LZTS1: variants seen among roughly 807,000 people sequenced by gnomAD.
The protein encoded by LZTS1 is leucine zipper putative tumor suppressor 1.
A neutral mutation model predicts 45.8 loss-of-function variants in LZTS1; 31 were observed. The observed-to-expected ratio is 0.68, with a 90% CI of 0.51 to 0.91. The LOEUF is 0.91. Among genes scored for constraint, LZTS1 ranks in the 40% least tolerant of loss-of-function variants. The pLI is 0.00. For synonymous variants in LZTS1, 359 were observed against 357.3 expected (o/e 1.00, Z -0.05); for missense variants, 821 against 788.9 (o/e 1.04, Z -0.49).
chr8:20,292,710 G>A (rs1444019841), intron 1 of LZTS1, among the ~76,000 whole-genome samples: 2 of 152,076 alleles, frequency 1.3e-5, no homozygotes, highest in Non-Finnish European at 2.9e-5. Flanking sequence ...TATGCCCCCT[G>A]GGGCAAACCT....
intron 1 of LZTS1, among the ~76,000 whole-genome samples, chr8:20,294,471 G>A (rs76921922): frequency 2.6e-4 from 40 of 152,304 alleles, no homozygotes; most frequent in African/African-American, 9.1e-4. Context: ...TTCAGGGGCC[G>A]GCTCGCTTTA....
At chr8:20,276,361 G>C (rs1033339682) in intron 1 of LZTS1, among the ~76,000 whole-genome samples, 2 of 152,082 alleles carry the variant, frequency 1.3e-5, no homozygotes, top group African/African-American at 4.8e-5. Flanking sequence ...CCTCTGGGGA[G>C]GAGAGAGGGG....
At position 20,246,557 on chromosome 8, in the gene LZTS1, C is replaced by G. The variant is rs530809709; in HGVS notation, c.*3165G>C. The G allele has an allele frequency of 6.5e-6, 1 of 152,674 alleles. No homozygotes were observed. The highest frequency in any genetic ancestry group is 6.5e-5 in the Admixed American group (1 of 15,310). 9.5% of individuals were successfully genotyped at this position (152,674 alleles called of 1,614,324 possible). A position where few individuals can be genotyped will look rare whatever the true frequency, so the allele number is the denominator to read the frequency against. On this transcript the variant is annotated 3_prime_UTR_variant, in exon 4 of 4. Coordinates refer to ENST00000381569, the MANE Select transcript of LZTS1 (RefSeq NM_021020.5). ...GCCTGGCTTAGTTTCGGGCAACTGTCTCACCTAAGAGATGGCCCAGGCTGG... is the reference window on the plus strand; with the variant it reads ...GCCTGGCTTAGTTTCGGGCAACTGTGTCACCTAAGAGATGGCCCAGGCTGG...
chr8:20,263,729 G>A (rs1800293062), intron 1 of LZTS1, among the ~76,000 whole-genome samples: 1 of 152,122 alleles, frequency 6.6e-6, no homozygotes, highest in Non-Finnish European at 1.5e-5. Context: ...TCAAAGTGGG[G>A]CGCGGGGTGG....
intron 1 of LZTS1, among the ~76,000 whole-genome samples, chr8:20,303,067 G>A (rs1801108688): frequency 6.6e-6 from 1 of 152,026 alleles, no homozygotes; most frequent in South Asian, 2.1e-4. Context: ...GGTAGTGTGG[G>A]GCTGTCTGTG....
chr8:20,281,870 A>G (rs1800699580), intron 1 of LZTS1, among the ~76,000 whole-genome samples: 1 of 152,202 alleles, frequency 6.6e-6, no homozygotes, highest in Non-Finnish European at 1.5e-5. Flanking sequence ...CTTTATAGCA[A>G]TGAAAAAATA....
intron 1 of LZTS1, among the ~76,000 whole-genome samples, chr8:20,299,144 C>T (rs1585306669): frequency 6.6e-6 from 1 of 152,236 alleles, no homozygotes; most frequent in East Asian, 1.9e-4. Context: ...GGGTGGCTGG[C>T]CAAACCCAGC....
intron 1 of LZTS1, among the ~76,000 whole-genome samples, chr8:20,284,455 G>A (rs1162974834): frequency 6.6e-6 from 1 of 152,184 alleles, no homozygotes; most frequent in African/African-American, 2.4e-5. Flanking sequence ...CAGAGGATGA[G>A]AAAGAAGGAG....
chr8:20,284,145 C>G (rs920667332), intron 1 of LZTS1, among the ~76,000 whole-genome samples: 5 of 152,174 alleles, frequency 3.3e-5, no homozygotes, highest in African/African-American at 1.2e-4. Flanking sequence ...CATCATCTCC[C>G]CATGGGCAGC....
chr8:20,266,872 C>T (rs1800368106), intron 1 of LZTS1, among the ~76,000 whole-genome samples: 1 of 152,116 alleles, frequency 6.6e-6, no homozygotes, highest in Non-Finnish European at 1.5e-5. Flanking sequence ...CTTGGGGATG[C>T]CAAGGTGGGC....
chr8:20,256,012 C>T (rs1800089399), intron 1 of LZTS1, among the ~76,000 whole-genome samples: 1 of 132,982 alleles, frequency 7.5e-6, no homozygotes, highest in Non-Finnish European at 1.5e-5. Context: ...GGGATCAAGG[C>T]TGCAGTGAGC....
In LZTS1 at chr8:20,257,668, CTT is replaced by C. The variant is rs749462919; in HGVS notation, c.-134-2355_-134-2354del. Among the ~76,000 whole-genome samples the C allele has an allele frequency of 5.4e-3, 696 of 129,050 alleles. 4 individuals are homozygous for C. The highest frequency in any genetic ancestry group is 0.011 in the African/African-American group (382 of 34,800). The allele number at this position is 129,050 out of a possible 152,430, so 84.7% of individuals were successfully genotyped here. A position where few individuals can be genotyped will look rare whatever the true frequency, so the allele number is the denominator to read the frequency against. On this transcript the variant is annotated intron_variant, in intron 1 of 3. Transcript: ENST00000381569. ...AAACTAATTCTAAGACACCCTTAAA[CTT>C]TTTTTTTTTTTTTTTTTGAGATAGA...
At chr8:20,252,612 C>G (rs1482109997) in intron 3 of LZTS1, among the ~76,000 whole-genome samples, 170 bp downstream of exon 3, 1 of 152,194 alleles carries the variant, frequency 6.6e-6, no homozygotes, top group Non-Finnish European at 1.5e-5. Context: ...TAAGTCGATC[C>G]CCCAACATGG....
intron 1 of LZTS1, among the ~76,000 whole-genome samples, chr8:20,294,949 G>C (rs1319588337): frequency 1.3e-5 from 2 of 151,932 alleles, no homozygotes; most frequent in African/African-American, 2.4e-5. Context: ...GGAGGCTTCT[G>C]TTCTTGGCAT....
intron 1 of LZTS1, among the ~76,000 whole-genome samples, chr8:20,299,308 C>A (rs1345504400): frequency 6.6e-6 from 1 of 152,204 alleles, no homozygotes; most frequent in Non-Finnish European, 1.5e-5. Flanking sequence ...CAGTTCACAG[C>A]CACCTCCTCC....
rs1478178775 is a variant in LZTS1 at position 20,255,053 on chromosome 8, C to T, written c.129G>A (p.Arg43=). The T allele has an allele frequency of 3.1e-6, 5 of 1,614,102 alleles. No individual in the cohort carries two copies. The highest frequency in any genetic ancestry group is 3.3e-5 in the Admixed American group (2 of 60,006). The change falls in exon 2 of 4, where the codon AGG becomes AGA. Residue 43 remains arginine (R), a synonymous_variant. Coordinates refer to ENST00000381569, the MANE Select transcript of LZTS1 (RefSeq NM_021020.5). ...KLNRYSDGLL[R]FGFSQDSGHG... Reference sequence around the variant, plus strand: ...GACCGGAGTCCTGGGAGAAGCCAAACCTCAGCAGCCCGTCGGAATACCGGT... The same window carrying T: ...GACCGGAGTCCTGGGAGAAGCCAAATCTCAGCAGCCCGTCGGAATACCGGT...
At chr8:20,265,893 C>T (rs1247101123) in intron 1 of LZTS1, among the ~76,000 whole-genome samples, 1 of 152,118 alleles carries the variant, frequency 6.6e-6, no homozygotes, top group East Asian at 1.9e-4. Flanking sequence ...CTTGCATCAT[C>T]TAACTTTTCA....
At chr8:20,281,405 C>A (rs1297863886) in intron 1 of LZTS1, among the ~76,000 whole-genome samples, 143 of 133,356 alleles carry the variant, frequency 1.1e-3, no homozygotes, top group Middle Eastern at 3.8e-3. Context: ...ACTAAAAATA[C>A]AAAAAAAAAA....
chr8:20,288,470 G>C (rs1041869984), intron 1 of LZTS1, among the ~76,000 whole-genome samples: 1 of 152,188 alleles, frequency 6.6e-6, no homozygotes, highest in Non-Finnish European at 1.5e-5. Context: ...TGTGTCCTGT[G>C]CACTAGGTAT....
Sources: allele counts gnomAD v4.1 joint callset (sites outside exome capture counted in the v4.1 genomes callset), GRCh38; gene constraint gnomAD v4.1.1; transcripts MANE v1.5; gene names NCBI Gene and HGNC (gene_info 2026-07-23, HGNC 2026-07-21).